The following RAP1GAP2 variants were observed in gnomAD, a reference collection of about 807,000 sequenced individuals.
RAP1GAP2 encodes RAP1 GTPase activating protein 2.
Under a neutral mutation model 95.0 loss-of-function variants are expected in RAP1GAP2, and 27 were observed. That is an observed-to-expected ratio of 0.28 (90% CI 0.21 to 0.39). RAP1GAP2 has a LOEUF of 0.39. Ranked by LOEUF, RAP1GAP2 falls within the 10% of genes least tolerant of loss-of-function variation. The pLI is 1.00. For missense variants in RAP1GAP2, 771 were observed against 970.0 expected, an observed-to-expected ratio of 0.79 and a Z score of 2.72; for synonymous variants, 373 against 380.9, an observed-to-expected ratio of 0.98 and a Z score of 0.24.
chr17:2,970,321 T>C (rs1330901984), intron 8 of RAP1GAP2, among the ~76,000 whole-genome samples: 1 of 150,936 alleles, frequency 6.6e-6, no homozygotes, highest in Non-Finnish European at 1.5e-5. Flanking sequence ...CCCTTGTTAA[T>C]GACCATTGCC....
chr17:3,030,788 C>T, intron 22 of RAP1GAP2, 134 bp from the exon 23 acceptor site: 1 of 798,112 alleles, frequency 1.3e-6, no homozygotes, highest in South Asian at 1.6e-5. Flanking sequence ...TGGGTCGGCA[C>T]AGGTCAGCTA....
At chr17:2,977,304 G>T (rs2045164890) in intron 8 of RAP1GAP2, among the ~76,000 whole-genome samples, 1 of 152,046 alleles carries the variant, frequency 6.6e-6, no homozygotes, top group Non-Finnish European at 1.5e-5. Flanking sequence ...ACTCAATAAG[G>T]AGTAGAAAAC....
At chr17:2,810,522 CTTTTTTTTTT>C (rs1169922962) in intron 2 of RAP1GAP2, among the ~76,000 whole-genome samples, 2 of 69,428 alleles carry the variant, frequency 2.9e-5, no homozygotes, top group South Asian at 6.2e-4. Context: ...TCCCCCCACC[CTTTTTTTTTT>C]TTTTTTTTTT....
chr17:2,878,465 C>A (rs1397805343), intron 2 of RAP1GAP2, among the ~76,000 whole-genome samples: 1 of 152,094 alleles, frequency 6.6e-6, no homozygotes, highest in African/African-American at 2.4e-5. Flanking sequence ...GCTGCGGAAG[C>A]CCCTGTCTGT....
At chr17:2,917,051 C>A (rs146501604) in intron 3 of RAP1GAP2, among the ~76,000 whole-genome samples, 4 of 152,278 alleles carry the variant, frequency 2.6e-5, no homozygotes, top group African/African-American at 7.2e-5. Context: ...TTCTGGGAAC[C>A]TTCTTGCCCT....
chr17:2,895,111 A>G (rs2073846888), intron 2 of RAP1GAP2, among the ~76,000 whole-genome samples: 1 of 152,194 alleles, frequency 6.6e-6, no homozygotes, highest in Non-Finnish European at 1.5e-5. Context: ...CAGGTGTTAC[A>G]ACTTCAGTGG....
intron 14 of RAP1GAP2, among the ~76,000 whole-genome samples, chr17:3,000,215 C>T (rs1251592518): frequency 6.6e-6 from 1 of 152,242 alleles, no homozygotes; most frequent in South Asian, 2.1e-4. Context: ...TCCCAAAGTC[C>T]TGGGATTATA....
At chr17:2,939,555 G>A (rs2043414115) in intron 3 of RAP1GAP2, among the ~76,000 whole-genome samples, 1 of 152,230 alleles carries the variant, frequency 6.6e-6, no homozygotes, top group Admixed American at 6.5e-5. Context: ...CCACCAAGGG[G>A]AGCCTGCTGG....
chr17:2,852,892 G>T (rs2071926579), intron 2 of RAP1GAP2, among the ~76,000 whole-genome samples: 1 of 152,168 alleles, frequency 6.6e-6, no homozygotes, highest in Non-Finnish European at 1.5e-5. Context: ...CCGACCTTCC[G>T]ACCTTCCGCC....
intron 12 of RAP1GAP2, among the ~76,000 whole-genome samples, chr17:2,994,637 G>T (rs1451002543): frequency 2.6e-5 from 4 of 152,230 alleles, no homozygotes; most frequent in Non-Finnish European, 5.9e-5. Flanking sequence ...TCTGGGCAGA[G>T]GACTTGGACA....
intron 2 of RAP1GAP2, among the ~76,000 whole-genome samples, chr17:2,898,596 G>C (rs1375771595): frequency 6.6e-6 from 1 of 152,204 alleles, no homozygotes; most frequent in Non-Finnish European, 1.5e-5. Flanking sequence ...GGGCTCCCGT[G>C]TCCCTGTCTC....
rs2044415585 is a variant in RAP1GAP2, at chr17:2,963,154, T to C, written c.247-276T>C. On this transcript the variant is annotated intron_variant, in intron 5 of 24. Coordinates refer to ENST00000254695, the MANE Select transcript of RAP1GAP2 (RefSeq NM_015085.5). The surrounding 1 kb of genome is among the most constrained non-coding windows in gnomAD (Gnocchi z 4.8). The stretch of plus-strand genomic sequence containing the variant: ...TAGGGGTCATTTTCCGGAATGAGCG[T>C]TCTAGGATGAGAAGCTGGTATCACG... 2 of 556,490 alleles carry C rather than the reference T, an allele frequency of 3.6e-6. No homozygotes were observed. The highest frequency in any genetic ancestry group is 3.3e-5 in the Admixed American group (1 of 30,062). The allele number at this position is 556,490 out of a possible 1,614,324, so 34.5% of individuals were successfully genotyped here.
rs144043068 is a variant in RAP1GAP2, at chr17:2,803,274, G to A, written c.80+2724G>A. On this transcript the variant is annotated intron_variant, in intron 2 of 24. Coordinates refer to ENST00000254695, the MANE Select transcript of RAP1GAP2 (RefSeq NM_015085.5). ...TATTGGGATGATAGCTTGGGACAGTGTGTAGCACTGTGTTCGGAGTTTTAT... is the reference window on the plus strand; with the variant it reads ...TATTGGGATGATAGCTTGGGACAGTATGTAGCACTGTGTTCGGAGTTTTAT... 1.8e-3 allele frequency among the ~76,000 whole-genome samples: 275 copies of A among 152,334 alleles called. 1 individual carries two copies. In the Middle Eastern group the frequency reaches 0.027, roughly 15 times the overall value.
rs1271891271 is a variant in RAP1GAP2 at position 2,796,546 on chromosome 17, A to G, written c.19A>G (p.Ser7Gly). Residue 7 changes from serine (S) to glycine (G), a missense_variant, in exon 1 of 25, where the codon AGT becomes GGT. Coordinates refer to ENST00000254695, the MANE Select transcript of RAP1GAP2 (RefSeq NM_015085.5). The surrounding 1 kb of genome is among the most constrained non-coding windows in gnomAD (Gnocchi z 4.7). ...CACAACCATGTTTGGCCGGAAGCGC[A>G]GTGTCTCCTTTGGGGGCTTCGGATG... The part of the protein sequence containing the change: MFGRKR[S>G]VSFGGFGWID... 9 of 1,564,360 alleles carry G rather than the reference A, an allele frequency of 5.8e-6. No individual in the cohort carries two copies. The highest frequency in any genetic ancestry group is 7.8e-6 in the Non-Finnish European group (9 of 1,154,406).
At chr17:2,996,577 A>G (rs1407869671) in intron 13 of RAP1GAP2, among the ~76,000 whole-genome samples, 1 of 152,124 alleles carries the variant, frequency 6.6e-6, no homozygotes, top group African/African-American at 2.4e-5. Context: ...ATCCTTTTGT[A>G]TCCAAAGTGG....
intron 17 of RAP1GAP2, among the ~76,000 whole-genome samples, chr17:3,010,553 G>C (rs1159179258): frequency 6.6e-6 from 1 of 152,140 alleles, no homozygotes; most frequent in East Asian, 1.9e-4. Flanking sequence ...CAATGGAGGA[G>C]GTGGTCCAGC....
In RAP1GAP2 at chr17:2,760,558, C is replaced by T. The variant is rs368152058; in HGVS notation, c.50+4791C>T. Among the ~76,000 whole-genome samples, 204 of 146,972 alleles carry T rather than the reference C, an allele frequency of 1.4e-3. 4 individuals carry two copies. The highest frequency in any genetic ancestry group is 4.5e-3 in the African/African-American group (186 of 41,162). On this transcript the variant is annotated intron_variant, in intron 1 of 25. Transcript: ENST00000637138. ...GTTTCACCATGTTGGCCAGGCTGGT[C>T]TTGAACTCCTGACCTCAGGTGATCC...
Position 3,033,081 on chromosome 17 carries a change from C to A in RAP1GAP2, c.*31-311C>A, listed in dbSNP as rs114058066. On this transcript the variant is annotated intron_variant, in intron 24 of 24. Transcript: ENST00000254695. The surrounding 1 kb of genome is among the most constrained non-coding windows in gnomAD (Gnocchi z 4.9). ...ACAGCTGGAGCCAAGAGGAGGGGTA[C>A]AACCGAACCCACTCTGTGTTCAACC... The A allele has an allele frequency of 0.019, 2,964 of 153,950 alleles. 93 individuals carry two copies. Among genetic ancestry groups the A allele is most frequent in the African/African-American group, 0.067 (2,777 of 41,546 alleles). 9.5% of individuals were successfully genotyped at this position (153,950 alleles called of 1,614,324 possible).
chr17:2,915,240 T>C (rs1294804541), intron 3 of RAP1GAP2, among the ~76,000 whole-genome samples: 3 of 152,150 alleles, frequency 2.0e-5, no homozygotes, highest in Non-Finnish European at 4.4e-5. Flanking sequence ...TTCTTGTTTT[T>C]ATTTTTTGGA....
Sources: allele counts gnomAD v4.1 joint callset (sites outside exome capture counted in the v4.1 genomes callset), GRCh38; gene constraint gnomAD v4.1.1; non-coding constraint Gnocchi (gnomAD v3.1); transcripts MANE v1.5; gene names NCBI Gene and HGNC (gene_info 2026-07-23, HGNC 2026-07-21).